The following TASOR2 variants were observed in gnomAD, a reference collection of about 807,000 sequenced individuals.
TASOR2 encodes the protein protein TASOR 2.
In TASOR2, 84 loss-of-function variants were observed where a neutral mutation model predicts 199.5. The observed-to-expected ratio is 0.42, with a 90% CI of 0.35 to 0.50. The LOEUF (loss-of-function observed/expected upper bound fraction) is 0.50. Among genes scored for constraint, TASOR2 ranks in the 20% least tolerant of loss-of-function variants. TASOR2 has a pLI of 0.02. For synonymous variants in TASOR2, 1,103 were observed against 1,046.6 expected (o/e 1.05, Z -1.04); for missense variants, 2,796 against 2,835.9 (o/e 0.99, Z 0.32).
At chr10:5,753,200 C>T (rs1350711166) in intron 15 of TASOR2, among the ~76,000 whole-genome samples, 3 of 152,160 alleles carry the variant, frequency 2.0e-5, no homozygotes, top group Admixed American at 6.5e-5. Context: ...CGTGAAACTC[C>T]ATTGTTGCTA....
rs1838560155 is a variant in TASOR2 at position 5,706,103 on chromosome 10, G to A, written c.-287-6720G>A. 6.6e-6 allele frequency among the ~76,000 whole-genome samples: 1 copy of A among 152,042 alleles called. No homozygotes were observed. ...TTTTTTCCTCCGTTTTAGTTGTTCT[G>A]TAGCAGCATTTATTGCAAAGATATT... is the stretch of plus-strand genomic sequence containing the variant. On this transcript the variant is annotated intron_variant, in intron 1 of 20. Coordinates refer to ENST00000328090, the Ensembl canonical transcript of TASOR2. The surrounding 1 kb of genome is among the most constrained non-coding windows in gnomAD (Gnocchi z 4.8).
At chr10:5,695,897 A>G (rs1190773337) in intron 1 of TASOR2, among the ~76,000 whole-genome samples, 1 of 152,208 alleles carries the variant, frequency 6.6e-6, no homozygotes. Context: ...TCTGAAGTCA[A>G]GAATTACAGG....
intron 1 of TASOR2, among the ~76,000 whole-genome samples, chr10:5,700,802 G>GTT (rs990811155): frequency 2.6e-5 from 4 of 151,692 alleles, no homozygotes; most frequent in African/African-American, 9.7e-5. Flanking sequence ...GTCTGTGTGT[G>GTT]TGTGTGTGTG....
At chr10:5,728,148 G>C (rs1834292713) in intron 10 of TASOR2, among the ~76,000 whole-genome samples, 2 of 151,112 alleles carry the variant, frequency 1.3e-5, no homozygotes, top group Admixed American at 1.3e-4. Context: ...TTGAGCCCGA[G>C]ACGTGGAGGT....
exon 16 of TASOR2, chr10:5,756,635 A>G (rs774625756): frequency 1.2e-6 from 2 of 1,613,566 alleles, no homozygotes; most frequent in East Asian, 4.5e-5. Context: ...AAAGGAGGCC[A>G]TACAGAAATT....
intron 1 of TASOR2, among the ~76,000 whole-genome samples, chr10:5,707,843 G>C (rs1237810420): frequency 6.6e-6 from 1 of 151,492 alleles, no homozygotes; most frequent in Admixed American, 6.6e-5. Flanking sequence ...GAAGTAAAAG[G>C]GACATGATTG....
chr10:5,715,050 G>A (rs1379265490), intron 2 of TASOR2, among the ~76,000 whole-genome samples: 2 of 152,154 alleles, frequency 1.3e-5, no homozygotes, highest in Middle Eastern at 3.4e-3. Flanking sequence ...AGGATAGAAC[G>A]AGGAATTGTC....
chr10:5,727,804 C>T (rs1466503668), intron 10 of TASOR2, among the ~76,000 whole-genome samples: 2 of 152,156 alleles, frequency 1.3e-5, no homozygotes, highest in African/African-American at 2.4e-5. Context: ...ATTTATCATT[C>T]ATATAGTTTA....
exon 7 of TASOR2, chr10:5,723,703 T>C: frequency 6.3e-7 from 1 of 1,593,568 alleles, no homozygotes; most frequent in Non-Finnish European, 8.6e-7. Flanking sequence ...TTTAAATATG[T>C]AATGAAAGTG....
chr10:5,739,774 A>G (rs1836131730), exon 13 of TASOR2: 1 of 1,614,154 alleles, frequency 6.2e-7, no homozygotes. Context: ...CAGGCCCTAA[A>G]TATGTTAGCC....
At position 5,761,594 on chromosome 10, in the gene TASOR2, A is replaced by C. The variant is rs888221723; in HGVS notation, c.7174+123A>C. 9 of 766,792 alleles carry C rather than the reference A, an allele frequency of 1.2e-5. No individual in the cohort carries two copies. In the African/African-American group the frequency reaches 1.6e-4, roughly 13 times the overall value. The allele number at this position is 766,792 out of a possible 1,614,324, so 47.5% of individuals were successfully genotyped here. A position where few individuals can be genotyped will look rare whatever the true frequency, so the allele number is the denominator to read the frequency against. ...TGGCTTGGCATCCCATGGATACCAGAATCACCCAAATCTGCTGAAGCTGAA... is the reference window on the plus strand; with the variant it reads ...TGGCTTGGCATCCCATGGATACCAGCATCACCCAAATCTGCTGAAGCTGAA... On this transcript the variant is annotated intron_variant, in intron 19 of 20. Coordinates refer to ENST00000328090, the Ensembl canonical transcript of TASOR2.
At position 5,699,521 on chromosome 10, in the gene TASOR2, T is replaced by G. The variant is rs1404217015; in HGVS notation, c.-287-13302T>G. 1 of 152,024 alleles carries G rather than the reference T, an allele frequency of 6.6e-6. No individual in the cohort carries two copies. Among genetic ancestry groups the G allele is most frequent in the Non-Finnish European group, 1.5e-5 (1 of 68,010 alleles). 9.4% of individuals were successfully genotyped at this position (152,024 alleles called of 1,614,324 possible). A position where few individuals can be genotyped will look rare whatever the true frequency, so the allele number is the denominator to read the frequency against. On this transcript the variant is annotated intron_variant, in intron 1 of 20. Coordinates refer to ENST00000328090, the Ensembl canonical transcript of TASOR2. The surrounding 1 kb of genome is among the most constrained non-coding windows in gnomAD (Gnocchi z 4.1). The stretch of plus-strand genomic sequence containing the variant: ...GTATGAATTATATCTCAACATTGTA[T>G]TAGAAAATAAAATTAATGAAGCATA...
At chr10:5,758,934 G>GGAA in exon 18 of TASOR2, 3 of 1,614,136 alleles carry the variant, frequency 1.9e-6, no homozygotes, top group Non-Finnish European at 2.5e-6. Context: ...AAATGGAAAT[G>GGAA]GAAGATGGAA....
chr10:5,742,203 C>G lies in TASOR2; in HGVS notation c.2434C>G (p.Arg812Gly), dbSNP rs1169836177. ...TCAGAACAAAATCATACGATCTTCC[C>G]GAAAGGTTGTAGAACACAGCAACCC... The change falls in exon 14 of 21, where the codon CGA becomes GGA. Residue 812 changes from arginine (R) to glycine (G), a missense_variant. Arg to Gly is a moderately radical substitution (Grantham distance 125). This residue lies in a region of TASOR2 where 1,941 missense variants were observed against 1,924.9 expected (regional missense o/e 1.01). Transcript: ENST00000328090. This position sits in a 1 kb window ranked among gnomAD's most constrained non-coding sequence, Gnocchi z 4.2. 9 of 1,614,062 alleles carry G rather than the reference C, an allele frequency of 5.6e-6. No homozygotes were observed. Among genetic ancestry groups the G allele is most frequent in the Non-Finnish European group, 6.8e-6 (8 of 1,180,006 alleles).
At chr10:5,716,439 C>A (rs1281962373) in intron 2 of TASOR2, among the ~76,000 whole-genome samples, 1 of 152,088 alleles carries the variant, frequency 6.6e-6, no homozygotes, top group Non-Finnish European at 1.5e-5. Context: ...TTAAAGTTTA[C>A]ATTCAACTCA....
Position 5,748,758 on chromosome 10 carries a change from C to T in TASOR2, c.5337C>T (p.Ser1779=). The T allele has an allele frequency of 6.2e-7, 1 of 1,614,130 alleles. No homozygotes were observed. Among genetic ancestry groups the T allele is most frequent in the Non-Finnish European group, 8.5e-7 (1 of 1,180,032 alleles). ...CTTTGGCCTCCTTTGTTTCAGAATC[C>T]TTTGATACTTCTGTTTGTGGAATAG... is the stretch of plus-strand genomic sequence containing the variant. Residue 1779 remains serine, a synonymous_variant, in exon 15 of 21, where the codon TCC becomes TCT. Transcript: ENST00000328090. The surrounding 1 kb of genome is among the most constrained non-coding windows in gnomAD (Gnocchi z 5.1).
rs559828974 is a variant in TASOR2 at position 5,756,226 on chromosome 10, A to G, written c.6607-387A>G. 9.2e-5 allele frequency among the ~76,000 whole-genome samples: 14 copies of G among 152,312 alleles called. No individual in the cohort carries two copies. The South Asian group carries it at 2.9e-3, about 32-fold the overall frequency. ...CTGACTCCAAAATCAGTCCCCTTTAATGGTAAAGAAATACATGGGTATTGT... is the reference window on the plus strand; with the variant it reads ...CTGACTCCAAAATCAGTCCCCTTTAGTGGTAAAGAAATACATGGGTATTGT... On this transcript the variant is annotated intron_variant, in intron 15 of 20. Coordinates refer to ENST00000328090, the Ensembl canonical transcript of TASOR2.
At chr10:5,756,864 T>A in intron 16 of TASOR2, 126 bp downstream of exon 17, 1 of 971,334 alleles carries the variant, frequency 1.0e-6, no homozygotes, top group Non-Finnish European at 1.5e-6. Flanking sequence ...GGCCTTTAAG[T>A]GGGAAGATGG....
At chr10:5,725,617 CTTT>C (rs5782857) in intron 8 of TASOR2, among the ~76,000 whole-genome samples, 5 of 150,032 alleles carry the variant, frequency 3.3e-5, no homozygotes, top group African/African-American at 4.9e-5. Flanking sequence ...AATTAAAAAA[CTTT>C]TTTTTTTTAA....
Sources: allele counts gnomAD v4.1 joint callset (sites outside exome capture counted in the v4.1 genomes callset), GRCh38; gene constraint gnomAD v4.1.1; regional missense constraint gnomAD v4.1.1; non-coding constraint Gnocchi (gnomAD v3.1); transcripts MANE v1.5; gene names NCBI Gene and HGNC (gene_info 2026-07-23, HGNC 2026-07-21).